ASTN1: variants seen among roughly 807,000 people sequenced by gnomAD.
The protein encoded by ASTN1 is astrotactin 1.
ASTN1 carries 41 observed loss-of-function variants against 140.7 expected under a neutral mutation model. The ratio of observed to expected loss-of-function variants is 0.29; its 90% CI spans 0.23 to 0.38. ASTN1 has a LOEUF of 0.38. Ranked by LOEUF, ASTN1 falls within the 10% of genes least tolerant of loss-of-function variation. The pLI is 1.00. For synonymous variants in ASTN1, 640 were observed against 652.2 expected (o/e 0.98, Z 0.29); for missense variants, 1,479 against 1,678.8 (o/e 0.88, Z 2.08).
chr1:177,073,867 A>G (rs1008318122), intron 1 of ASTN1, among the ~76,000 whole-genome samples: 2 of 151,880 alleles, frequency 1.3e-5, no homozygotes. Flanking sequence ...GAAAGTGCAC[A>G]TGGAAATGCT....
At chr1:177,156,242 C>G (rs1322020968) in intron 1 of ASTN1, among the ~76,000 whole-genome samples, 1 of 148,614 alleles carries the variant, frequency 6.7e-6, no homozygotes, top group African/African-American at 2.5e-5. Flanking sequence ...TGCACTCCAG[C>G]GTGGGCAACA....
At chr1:177,154,151 T>C (rs1683149812) in intron 1 of ASTN1, among the ~76,000 whole-genome samples, 1 of 152,180 alleles carries the variant, frequency 6.6e-6, no homozygotes, top group Non-Finnish European at 1.5e-5. Context: ...GGAGTATTAT[T>C]TGTAGTGACG....
At chr1:176,957,562 G>T in intron 11 of ASTN1, 116 bp downstream of exon 11, 3 of 1,279,810 alleles carry the variant, frequency 2.3e-6, no homozygotes, top group Non-Finnish European at 3.2e-6. Context: ...ACACTAAATG[G>T]TGTTTACAAC....
At chr1:177,068,898 A>G (rs1361904170) in intron 1 of ASTN1, among the ~76,000 whole-genome samples, 2 of 146,352 alleles carry the variant, frequency 1.4e-5, no homozygotes, top group Admixed American at 7.0e-5. Flanking sequence ...AGCTCACTTC[A>G]GCCTCTACCT....
chr1:176,975,849 T>C (rs1282258299), intron 8 of ASTN1, among the ~76,000 whole-genome samples: 2 of 152,186 alleles, frequency 1.3e-5, no homozygotes, highest in Non-Finnish European at 1.5e-5. Flanking sequence ...TTTTAAAATA[T>C]TAGGTGGATG....
intron 16 of ASTN1, among the ~76,000 whole-genome samples, chr1:176,909,507 C>A (rs1670138956): frequency 6.6e-6 from 1 of 152,166 alleles, no homozygotes. Flanking sequence ...TGCTGCTGAT[C>A]ATCCTGAGCT....
intron 18 of ASTN1, among the ~76,000 whole-genome samples, chr1:176,887,660 A>G (rs1419196323): frequency 6.6e-6 from 1 of 152,120 alleles, no homozygotes; most frequent in Non-Finnish European, 1.5e-5. Flanking sequence ...TAAGTGTTCA[A>G]TGAGTGGTTA....
intron 2 of ASTN1, among the ~76,000 whole-genome samples, chr1:177,037,588 A>G (rs1486129244): frequency 6.6e-6 from 1 of 152,226 alleles, no homozygotes; most frequent in African/African-American, 2.4e-5. Context: ...ACAAAGACAA[A>G]ACATTACAGT....
chr1:176,937,637 A>G (rs1356374080), intron 14 of ASTN1, among the ~76,000 whole-genome samples: 1 of 152,166 alleles, frequency 6.6e-6, no homozygotes, highest in Admixed American at 6.6e-5. Flanking sequence ...TTTTAGCTTT[A>G]TTTCTATGCT....
At chr1:176,893,761 C>T (rs577404959) in intron 17 of ASTN1, among the ~76,000 whole-genome samples, 78 of 152,308 alleles carry the variant, frequency 5.1e-4, no homozygotes, top group African/African-American at 1.7e-3. Context: ...CCACACCCGG[C>T]GTCTCCTTGT....
chr1:176,867,891 G>A (rs1668183099), intron 22 of ASTN1, among the ~76,000 whole-genome samples: 1 of 152,050 alleles, frequency 6.6e-6, no homozygotes, highest in Non-Finnish European at 1.5e-5. Flanking sequence ...TTAAGGGACA[G>A]AGGATTCTAT....
chr1:177,049,194 C>G (rs1165606329), intron 2 of ASTN1, among the ~76,000 whole-genome samples: 2 of 152,206 alleles, frequency 1.3e-5, no homozygotes, highest in Non-Finnish European at 2.9e-5. Context: ...AGGCAACTTA[C>G]AAGTTCAGCT....
intron 2 of ASTN1, among the ~76,000 whole-genome samples, chr1:177,039,122 C>T (rs1156574978): frequency 6.6e-6 from 1 of 152,220 alleles, no homozygotes; most frequent in East Asian, 1.9e-4. Flanking sequence ...CAGCTACCAT[C>T]TGTCAAGAGA....
intron 1 of ASTN1, among the ~76,000 whole-genome samples, chr1:177,141,826 A>G (rs965665709): frequency 6.6e-6 from 1 of 152,218 alleles, no homozygotes; most frequent in African/African-American, 2.4e-5. Flanking sequence ...AACAATAAGT[A>G]TTTTGGAAAC....
At chr1:177,114,381 C>T (rs1680971941) in intron 1 of ASTN1, among the ~76,000 whole-genome samples, 1 of 151,894 alleles carries the variant, frequency 6.6e-6, no homozygotes, top group African/African-American at 2.4e-5. Context: ...GAATCCTAAG[C>T]CACATGGGCA....
chr1:176,957,913 A>G (rs1672484282), intron 10 of ASTN1, 85 bp from the exon 11 acceptor site: 1 of 1,447,516 alleles, frequency 6.9e-7, no homozygotes. Context: ...GCTCCTATCT[A>G]GTCAACTGAA....
chr1:177,042,347 G>C (rs1372042301), intron 2 of ASTN1, among the ~76,000 whole-genome samples: 1 of 152,188 alleles, frequency 6.6e-6, no homozygotes, highest in Non-Finnish European at 1.5e-5. Context: ...ATTTCCAGCA[G>C]CACAGTCCCT....
chr1:177,094,484 C>T (rs1175781691), intron 1 of ASTN1, among the ~76,000 whole-genome samples: 5 of 152,182 alleles, frequency 3.3e-5, no homozygotes, highest in Non-Finnish European at 7.4e-5. Flanking sequence ...AAAGAGCTGC[C>T]TTACCCCTTT....
At chr1:176,986,881 G>A (rs571857823) in intron 8 of ASTN1, among the ~76,000 whole-genome samples, 2 of 152,262 alleles carry the variant, frequency 1.3e-5, no homozygotes, top group East Asian at 1.9e-4. Flanking sequence ...TACTATATAA[G>A]TACCTGTTGT....
Sources: allele counts gnomAD v4.1 joint callset (sites outside exome capture counted in the v4.1 genomes callset), GRCh38; gene constraint gnomAD v4.1.1; transcripts MANE v1.5; gene names NCBI Gene and HGNC (gene_info 2026-07-23, HGNC 2026-07-21).